The following WEE2 variants were observed in gnomAD, a reference collection of about 807,000 sequenced individuals.
The protein encoded by WEE2 is WEE2 oocyte meiosis inhibiting kinase.
WEE2 carries 50 observed loss-of-function variants against 60.1 expected under a neutral mutation model. The ratio of observed to expected loss-of-function variants is 0.83; its 90% confidence interval spans 0.66 to 1.05. The LOEUF is 1.05. WEE2 is among the 50% of genes least tolerant of loss of function. The probability of loss-of-function intolerance (pLI) is 0.00; values close to 1 mark genes in which losing one functional copy is unlikely to be tolerated. For synonymous variants in WEE2, 240 were observed against 241.0 expected (o/e 1.00, Z 0.04); for missense variants, 631 against 684.3 (o/e 0.92, Z 0.87).
chr7:141,726,342 A>G (rs2117123769), intron 9 of WEE2, among the ~76,000 whole-genome samples: 2 of 152,112 alleles, frequency 1.3e-5, no homozygotes, highest in Admixed American at 1.3e-4. Flanking sequence ...GTGCAGTGGC[A>G]CAATCATAGC....
rs771701099 is a variant in WEE2 at position 141,714,309 on chromosome 7, C to G, written c.443C>G (p.Thr148Ser). 3 of 1,613,854 alleles carry G rather than the reference C, an allele frequency of 1.9e-6. No individual in the cohort carries two copies. Among genetic ancestry groups the G allele is most frequent in the Admixed American group, 3.3e-5 (2 of 59,994 alleles). Residue 148 changes from threonine (T) to serine (S), a missense_variant, in exon 2 of 12, where the codon ACC becomes AGC. Physicochemically the swap from Thr to Ser is moderately conservative, Grantham distance 58 (BLOSUM62 1). Transcript: ENST00000397541. ...CCTGCTCCCCTCAAGGATGAGATGACCTCATTGGCTCTGGTCAATATTAAT... is the reference window on the plus strand; with the variant it reads ...CCTGCTCCCCTCAAGGATGAGATGAGCTCATTGGCTCTGGTCAATATTAAT... ...LTPAPLKDEM[T>S]SLALVNINPF...
chr7:141,727,297 T>C lies in WEE2; in HGVS notation c.1393-7T>C, dbSNP rs767530033. The stretch of plus-strand genomic sequence containing the variant: ...CTGTTTCTTTCCTCTTGGTCCTATA[T>C]CATCAGAACATGATCCAACCTGATG... On this transcript the variant is annotated splice_polypyrimidine_tract_variant and splice_region_variant and intron_variant, in intron 9 of 11. Coordinates refer to ENST00000397541, the MANE Select transcript of WEE2 (RefSeq NM_001105558.1). The C allele has an allele frequency of 2.7e-5, 43 of 1,612,042 alleles. No homozygotes were observed. In the African/African-American group the frequency reaches 4.4e-4, roughly 17 times the overall value.
chr7:141,715,676 C>A (rs916050035), intron 2 of WEE2, among the ~76,000 whole-genome samples: 1 of 152,032 alleles, frequency 6.6e-6, no homozygotes, highest in African/African-American at 2.4e-5. Flanking sequence ...ACCTGTGAAC[C>A]GATTACAAAG....
At chr7:141,714,454 C>G (rs1376659490) in intron 2 of WEE2, 49 bp downstream of exon 2, 2 of 1,369,922 alleles carry the variant, frequency 1.5e-6, no homozygotes, top group Non-Finnish European at 2.0e-6. Flanking sequence ...CTACTACAGT[C>G]AAGTAGTAAG....
intron 1 of WEE2, 125 bp from the exon 2 acceptor site, chr7:141,714,084 G>A (rs140244352): frequency 3.4e-5 from 25 of 744,154 alleles, no homozygotes; most frequent in Admixed American, 1.9e-4. Context: ...CAGTTCACAT[G>A]GAACCAGATA....
intron 1 of WEE2, among the ~76,000 whole-genome samples, chr7:141,710,449 C>T (rs1412230760): frequency 6.6e-6 from 1 of 152,082 alleles, no homozygotes; most frequent in East Asian, 1.9e-4. Context: ...AACTGAACAC[C>T]TTGATGTGTT....
chr7:141,714,685 G>A (rs1798767891), intron 2 of WEE2, among the ~76,000 whole-genome samples: 1 of 152,200 alleles, frequency 6.6e-6, no homozygotes, highest in African/African-American at 2.4e-5. Context: ...AGTTGAGTGG[G>A]CTATGGAATT....
intron 3 of WEE2, among the ~76,000 whole-genome samples, chr7:141,716,961 A>G (rs968089302): frequency 1.3e-5 from 2 of 152,362 alleles, no homozygotes; most frequent in Admixed American, 1.3e-4. Flanking sequence ...AGAGATGTTT[A>G]TTGTAACAGC....
intron 5 of WEE2, 137 bp downstream of exon 5, chr7:141,721,193 T>A (rs893247106): frequency 1.7e-5 from 17 of 1,013,210 alleles, no homozygotes; most frequent in Non-Finnish European, 2.4e-5. Context: ...TATATTATAG[T>A]CTTGCTTGGA....
intron 3 of WEE2, among the ~76,000 whole-genome samples, chr7:141,717,800 T>A (rs551422260): frequency 6.6e-6 from 1 of 152,174 alleles, no homozygotes; most frequent in Non-Finnish European, 1.5e-5. Flanking sequence ...AGAACAGAGT[T>A]CAGGTGTAAG....
chr7:141,730,002 A>C (rs540004072), intron 11 of WEE2, among the ~76,000 whole-genome samples: 3 of 151,868 alleles, frequency 2.0e-5, no homozygotes, highest in East Asian at 3.9e-4. Flanking sequence ...AAAAAAAAAA[A>C]AAAAAAAACT....
At chr7:141,709,245 A>C (rs1798673389) in intron 1 of WEE2, 145 bp downstream of exon 1, 1 of 648,300 alleles carries the variant, frequency 1.5e-6, no homozygotes, top group Admixed American at 3.0e-5. Flanking sequence ...ATGAAAATGA[A>C]GAAATTAAAA....
chr7:141,717,866 C>T (rs1798834255), intron 3 of WEE2, among the ~76,000 whole-genome samples: 1 of 151,904 alleles, frequency 6.6e-6, no homozygotes, highest in Non-Finnish European at 1.5e-5. Flanking sequence ...ATACTGGCTT[C>T]ATTGGTATCT....
intron 4 of WEE2, among the ~76,000 whole-genome samples, chr7:141,719,527 T>A (rs12670314): frequency 6.6e-6 from 1 of 152,212 alleles, no homozygotes; most frequent in Non-Finnish European, 1.5e-5. Context: ...CTTGGCTCAC[T>A]GCAATCTCCA....
rs1431611762 is a variant in WEE2 at position 141,725,041 on chromosome 7, C to T, written c.1237C>T (p.Pro413Ser). Residue 413 changes from proline to serine, a missense_variant, in exon 9 of 12, where the codon CCC (proline) becomes TCC (serine). Transcript: ENST00000397541. Reference protein sequence around the residue: ...EILQEDYRHLPKADIFALGLT... With the variant: ...EILQEDYRHLSKADIFALGLT... Reference sequence around the variant, plus strand: ...TGTTTTGAAGGATTACCGGCACCTTCCCAAAGCAGACATATTTGCCTTGGG... The same window carrying T: ...TGTTTTGAAGGATTACCGGCACCTTTCCAAAGCAGACATATTTGCCTTGGG... The T allele has an allele frequency of 1.2e-6, 2 of 1,613,898 alleles. No individual in the cohort carries two copies. The highest frequency in any genetic ancestry group is 1.7e-6 in the Non-Finnish European group (2 of 1,179,886).
intron 1 of WEE2, among the ~76,000 whole-genome samples, chr7:141,713,905 G>A (rs1798748176): frequency 6.6e-6 from 1 of 152,172 alleles, no homozygotes; most frequent in South Asian, 2.1e-4. Flanking sequence ...TTTAAAAACT[G>A]GAGATAGGAC....
At chr7:141,709,912 T>G (rs530935633) in intron 1 of WEE2, among the ~76,000 whole-genome samples, 1 of 152,260 alleles carries the variant, frequency 6.6e-6, no homozygotes, top group South Asian at 2.1e-4. Context: ...TGGTATTAGC[T>G]CGGCTTCCTG....
At position 141,727,350 on chromosome 7, in the gene WEE2, TG is replaced by T; in HGVS notation, c.1441del (p.Ala481ProfsTer20). On this transcript the variant is annotated frameshift_variant, in exon 10 of 12. Coordinates refer to ENST00000397541, the MANE Select transcript of WEE2 (RefSeq NM_001105558.1). LOFTEE classifies it high-confidence loss of function. The stretch of plus-strand genomic sequence containing the variant: ...GAACAGAGACCTTCTGCAGCAGCTC[TG>T]GCCAGAAATACAGTTCTCCGGCCTT... ...DAEQRPSAAA[L>X]ARNTVLRPSL... 6.2e-7 allele frequency: 1 copy of T among 1,614,190 alleles called. No homozygotes were observed. The highest frequency in any genetic ancestry group is 8.5e-7 in the Non-Finnish European group (1 of 1,180,022).
rs547488564 is a variant in WEE2, at chr7:141,708,709, T to C, written c.-50T>C. On this transcript the variant is annotated 5_prime_UTR_variant, in exon 1 of 12. Transcript: ENST00000397541. The stretch of plus-strand genomic sequence containing the variant: ...TCCCTGCTTCTGTAGGTTCACAGCG[T>C]TCCCTTCTGATAGAGCTTTTTGTCT... The C allele has an allele frequency of 3.3e-6, 5 of 1,512,774 alleles. No individual in the cohort carries two copies. In the African/African-American group the frequency reaches 4.2e-5, roughly 13 times the overall value. The allele number at this position is 1,512,774 out of a possible 1,614,324, so 93.7% of individuals were successfully genotyped here. A position where few individuals can be genotyped will look rare whatever the true frequency, so the allele number is the denominator to read the frequency against.
Sources: gnomAD v4.1 joint callset for allele counts (sites outside exome capture counted in the v4.1 genomes callset) on GRCh38, gnomAD v4.1.1 for gene constraint, MANE v1.5 for transcripts, NCBI Gene and HGNC (gene_info 2026-07-23, HGNC 2026-07-21) for gene names.